GPC6: variants seen among roughly 807,000 people sequenced by gnomAD.
The protein encoded by GPC6 is glypican 6.
Under a neutral mutation model 55.2 loss-of-function variants are expected in GPC6, and 14 were observed. That is an observed-to-expected ratio of 0.25 (90% CI 0.17 to 0.40). The LOEUF is 0.40. Ranked by LOEUF, GPC6 falls within the 10% of genes least tolerant of loss-of-function variation. The pLI is 1.00. For synonymous variants in GPC6, 278 were observed against 259.6 expected, an observed-to-expected ratio of 1.07 and a Z score of -0.68; for missense variants, 641 against 708.5, an observed-to-expected ratio of 0.90 and a Z score of 1.08.
intron 4 of GPC6, among the ~76,000 whole-genome samples, chr13:94,039,135 TG>T (rs2138736751): frequency 6.6e-6 from 1 of 152,064 alleles, no homozygotes; most frequent in South Asian, 2.1e-4. Context: ...CCAGCGCAGC[TG>T]AAATAGACTT....
chr13:94,294,193 T>C (rs1875191994), intron 5 of GPC6, among the ~76,000 whole-genome samples: 1 of 152,188 alleles, frequency 6.6e-6, no homozygotes, highest in Non-Finnish European at 1.5e-5. Flanking sequence ...AAGATGAAAC[T>C]GATCTCACTA....
At position 93,285,145 on chromosome 13, in the gene GPC6, A is replaced by G. The variant is rs555684243; in HGVS notation, c.160+57529A>G. On this transcript the variant is annotated intron_variant, in intron 1 of 8. Coordinates refer to ENST00000377047, the MANE Select transcript of GPC6 (RefSeq NM_005708.5). ...GGTTTAAGTCCAGTGAGTTCCGGTG[A>G]GTTCTGTTATGCACGTTAGTCTTTA... 3.3e-5 allele frequency among the ~76,000 whole-genome samples: 5 copies of G among 152,280 alleles called. No individual in the cohort carries two copies. In the South Asian group the frequency reaches 1.0e-3, roughly 32 times the overall value.
chr13:93,282,519 A>G (rs994368377), intron 1 of GPC6, among the ~76,000 whole-genome samples: 3 of 151,268 alleles, frequency 2.0e-5, no homozygotes, highest in Admixed American at 6.6e-5. Context: ...AATGAATTAC[A>G]GTGAAAAAAA....
chr13:94,077,618 C>T (rs981062241), intron 4 of GPC6, among the ~76,000 whole-genome samples: 3 of 151,746 alleles, frequency 2.0e-5, no homozygotes, highest in South Asian at 2.1e-4. Flanking sequence ...TTATATATGG[C>T]CTTTATTATG....
At chr13:93,231,397 G>T (rs9561286) in intron 1 of GPC6, among the ~76,000 whole-genome samples, 1 of 45,850 alleles carries the variant, frequency 2.2e-5, no homozygotes. Context: ...ATATATATAT[G>T]TATATATATA....
intron 2 of GPC6, among the ~76,000 whole-genome samples, chr13:93,680,746 A>G (rs1014912791): frequency 2.6e-5 from 4 of 152,164 alleles, no homozygotes; most frequent in African/African-American, 7.2e-5. Context: ...ATTCGATTCT[A>G]TGGCCACAAG....
At chr13:93,376,049 CTTTT>C (rs11362182) in intron 1 of GPC6, among the ~76,000 whole-genome samples, 6 of 137,774 alleles carry the variant, frequency 4.4e-5, no homozygotes, top group Non-Finnish European at 4.7e-5. Context: ...GCATCTGGCA[CTTTT>C]TTTTTTTTTT....
At chr13:93,394,271 C>A (rs1357412782) in intron 1 of GPC6, among the ~76,000 whole-genome samples, 1 of 152,200 alleles carries the variant, frequency 6.6e-6, no homozygotes, top group Admixed American at 6.5e-5. Context: ...TGCACGCCTT[C>A]CACATTGGAC....
At chr13:93,630,495 C>G (rs1879382943) in intron 2 of GPC6, among the ~76,000 whole-genome samples, 1 of 152,132 alleles carries the variant, frequency 6.6e-6, no homozygotes, top group Non-Finnish European at 1.5e-5. Context: ...TAGTCACACC[C>G]TACTGGCAAT....
chr13:94,183,560 A>G (rs996063508), intron 4 of GPC6, among the ~76,000 whole-genome samples: 10 of 152,176 alleles, frequency 6.6e-5, no homozygotes, highest in African/African-American at 1.4e-4. Flanking sequence ...CCTGCTTTCA[A>G]TGCTCTGGGG....
At chr13:94,004,327 T>C (rs1881927174) in intron 3 of GPC6, among the ~76,000 whole-genome samples, 2 of 151,888 alleles carry the variant, frequency 1.3e-5, no homozygotes, top group South Asian at 4.2e-4. Context: ...GTATACTAGA[T>C]AGACAGTATC....
chr13:93,716,576 T>C (rs1883261328), intron 2 of GPC6, among the ~76,000 whole-genome samples: 1 of 151,698 alleles, frequency 6.6e-6, no homozygotes, highest in South Asian at 2.1e-4. Flanking sequence ...TGTACAGCTG[T>C]ACAACGTTTT....
chr13:93,594,810 C>T (rs1877652487), intron 2 of GPC6, among the ~76,000 whole-genome samples: 1 of 151,258 alleles, frequency 6.6e-6, no homozygotes, highest in South Asian at 2.1e-4. Flanking sequence ...TCCCTATAGC[C>T]TCACAAGTTG....
chr13:93,362,554 A>C (rs1881078650), intron 1 of GPC6, among the ~76,000 whole-genome samples: 1 of 152,168 alleles, frequency 6.6e-6, no homozygotes, highest in Non-Finnish European at 1.5e-5. Flanking sequence ...AAAAAACATA[A>C]CTGTGAGATG....
At chr13:93,616,016 C>A (rs930232086) in intron 2 of GPC6, among the ~76,000 whole-genome samples, 5 of 152,046 alleles carry the variant, frequency 3.3e-5, no homozygotes, top group Non-Finnish European at 7.4e-5. Context: ...AAGAAGGATT[C>A]TCTCAATGTA....
At chr13:94,081,345 A>T (rs1885089418) in intron 4 of GPC6, among the ~76,000 whole-genome samples, 1 of 152,176 alleles carries the variant, frequency 6.6e-6, no homozygotes, top group Non-Finnish European at 1.5e-5. Flanking sequence ...GAACTCAAAG[A>T]CATATTATCT....
intron 1 of GPC6, among the ~76,000 whole-genome samples, chr13:93,453,869 CACAGTGTGGAA>C (rs1878324779): frequency 6.6e-6 from 1 of 152,036 alleles, no homozygotes; most frequent in Non-Finnish European, 1.5e-5. Flanking sequence ...ACAAAGCTTC[CACAGTGTGGAA>C]GGGGACCTGA....
rs1880877491 is a variant in GPC6, at chr13:94,395,978, T to C, written c.1290-2488T>C. ...GCCAATGGGAGGCAGCAGCTGGAGG[T>C]CAAGAGGCGGGACTAAAGGGGTCAG... On this transcript the variant is annotated intron_variant, in intron 7 of 8. Coordinates refer to ENST00000377047, the MANE Select transcript of GPC6 (RefSeq NM_005708.5). Among the ~76,000 whole-genome samples, 4 of 152,080 alleles carry C rather than the reference T, an allele frequency of 2.6e-5. No individual in the cohort carries two copies. The South Asian group carries it at 8.3e-4, about 32-fold the overall frequency.
intron 3 of GPC6, among the ~76,000 whole-genome samples, chr13:93,866,808 C>A (rs1351946020): frequency 2.0e-5 from 3 of 151,712 alleles, no homozygotes; most frequent in Non-Finnish European, 4.4e-5. Flanking sequence ...ATCTGTATCA[C>A]AAACCCCCAT....
Sources: gnomAD v4.1 joint callset for allele counts (sites outside exome capture counted in the v4.1 genomes callset) on GRCh38, gnomAD v4.1.1 for gene constraint, MANE v1.5 for transcripts, NCBI Gene and HGNC (gene_info 2026-07-23, HGNC 2026-07-21) for gene names.